The following ADGRL3 variants were observed in gnomAD, a reference collection of about 807,000 sequenced individuals.
ADGRL3 encodes the protein adhesion G protein-coupled receptor L3.
ADGRL3 carries 62 observed loss-of-function variants against 153.5 expected under a neutral mutation model. The ratio of observed to expected loss-of-function variants is 0.40; its 90% CI spans 0.33 to 0.50. The LOEUF is 0.50. Ranked by LOEUF, ADGRL3 falls within the 20% of genes least tolerant of loss-of-function variation. The probability of loss-of-function intolerance (pLI) is 0.47; values close to 1 mark genes in which losing one functional copy is unlikely to be tolerated. For synonymous variants in ADGRL3, 710 were observed against 672.5 expected (o/e 1.06, Z -0.86); for missense variants, 1,641 against 1,859.4 (o/e 0.88, Z 2.16).
At chr4:61,612,850 G>A (rs1404999848) in intron 5 of ADGRL3, among the ~76,000 whole-genome samples, 2 of 152,086 alleles carry the variant, frequency 1.3e-5, no homozygotes, top group Non-Finnish European at 2.9e-5. Flanking sequence ...CATAAGATTG[G>A]CAGTTCCACA....
chr4:61,730,693 T>C, intron 7 of ADGRL3, 57 bp downstream of exon 7: 1 of 419,814 alleles, frequency 2.4e-6, no homozygotes, highest in Non-Finnish European at 4.2e-6. Context: ...TATTTAACAG[T>C]TTAACATTTA....
In ADGRL3 at chr4:61,260,040, G is replaced by T. The variant is rs1004278283; in HGVS notation, c.-240+58275G>T. Among the ~76,000 whole-genome samples the T allele has an allele frequency of 2.6e-5, 4 of 152,242 alleles. No individual in the cohort carries two copies. The East Asian group carries it at 5.8e-4, about 22-fold the overall frequency. On this transcript the variant is annotated intron_variant, in intron 1 of 26. Coordinates refer to ENST00000683033, the MANE Select transcript of ADGRL3 (RefSeq NM_001387552.1). ...CAAATTTCATTGCTGCTTATGAGACGTGTAAGATTAAATGTCAAAATATAT... is the reference window on the plus strand; with the variant it reads ...CAAATTTCATTGCTGCTTATGAGACTTGTAAGATTAAATGTCAAAATATAT...
chr4:61,675,643 T>TTTTATTTATTTA (rs71213003), intron 5 of ADGRL3, among the ~76,000 whole-genome samples: 20,338 of 139,574 alleles, frequency 0.15, 1,772 homozygotes, highest in East Asian at 0.29. Flanking sequence ...GCTTAGAAAG[T>TTTTATTTATTTA]TTTATTTATT....
At chr4:61,631,763 A>T (rs1487857041) in intron 5 of ADGRL3, among the ~76,000 whole-genome samples, 5 of 149,704 alleles carry the variant, frequency 3.3e-5, no homozygotes, top group Admixed American at 6.7e-5. Context: ...GCTAAATTTA[A>T]TTTTTTTTTT....
chr4:61,405,203 T>G (rs1191379872), intron 2 of ADGRL3, among the ~76,000 whole-genome samples: 1 of 152,000 alleles, frequency 6.6e-6, no homozygotes, highest in Non-Finnish European at 1.5e-5. Context: ...TAATGGCAGA[T>G]TAAAAACTAA....
chr4:61,356,925 T>C (rs145961437), intron 1 of ADGRL3, among the ~76,000 whole-genome samples: 1 of 152,248 alleles, frequency 6.6e-6, no homozygotes, highest in East Asian at 1.9e-4. Flanking sequence ...TTTCTCAATG[T>C]ACTCATTGGT....
At chr4:61,331,045 C>A (rs1225953265) in intron 1 of ADGRL3, among the ~76,000 whole-genome samples, 1 of 152,110 alleles carries the variant, frequency 6.6e-6, no homozygotes, top group Admixed American at 6.6e-5. Flanking sequence ...CAAGTGGTTC[C>A]TGCTTTTGAA....
chr4:61,241,028 T>C (rs1433593247), intron 1 of ADGRL3, among the ~76,000 whole-genome samples: 1 of 152,084 alleles, frequency 6.6e-6, no homozygotes, highest in Non-Finnish European at 1.5e-5. Flanking sequence ...CTAAAAATTA[T>C]GTTGTTATAT....
chr4:61,261,067 C>G (rs749108468), intron 1 of ADGRL3, among the ~76,000 whole-genome samples: 4 of 152,070 alleles, frequency 2.6e-5, no homozygotes, highest in Non-Finnish European at 5.9e-5. Flanking sequence ...TATCCGTTTA[C>G]CAAGGTGTAA....
At position 61,935,948 on chromosome 4, in the gene ADGRL3, A is replaced by G. The variant is rs372386660; in HGVS notation, c.2322A>G (p.Thr774=). The change falls in exon 15 of 27, where the codon ACA becomes ACG. Residue 774 remains threonine, a synonymous_variant. Transcript: ENST00000683033. ...NIKLEVARLS[T]EGNLEDLKFP... is the part of the protein sequence containing the mutation. Reference sequence around the variant, plus strand: ...AATTGGAAGTTGCAAGACTGAGCACAGAAGGAAACTTAGAAGACCTAAAAT... The same window carrying G: ...AATTGGAAGTTGCAAGACTGAGCACGGAAGGAAACTTAGAAGACCTAAAAT... 1.9e-6 allele frequency: 3 copies of G among 1,597,612 alleles called. No individual in the cohort carries two copies. The highest frequency in any genetic ancestry group is 8.5e-7 in the Non-Finnish European group (1 of 1,171,292).
chr4:61,724,925 TAGTC>T (rs2096301137), intron 6 of ADGRL3, among the ~76,000 whole-genome samples: 1 of 152,212 alleles, frequency 6.6e-6, no homozygotes, highest in African/African-American at 2.4e-5. Context: ...TGGTTTTCCT[TAGTC>T]AAGAAATGTG....
At chr4:61,705,829 C>A (rs2095848555) in intron 6 of ADGRL3, among the ~76,000 whole-genome samples, 1 of 152,036 alleles carries the variant, frequency 6.6e-6, no homozygotes. Flanking sequence ...GAAAGGAAAC[C>A]TTTTTCTGAG....
chr4:61,946,667 C>A (rs182694646), intron 15 of ADGRL3, among the ~76,000 whole-genome samples: 25 of 152,172 alleles, frequency 1.6e-4, no homozygotes, highest in Admixed American at 1.6e-3. Flanking sequence ...GGTGTATGAT[C>A]TATCTTAAAC....
intron 17 of ADGRL3, among the ~76,000 whole-genome samples, chr4:61,969,443 G>A (rs1362527766): frequency 6.6e-6 from 1 of 151,750 alleles, no homozygotes; most frequent in East Asian, 1.9e-4. Context: ...AGACTACTCT[G>A]TTTTGATTTT....
At chr4:61,424,129 A>G (rs72636126) in intron 2 of ADGRL3, among the ~76,000 whole-genome samples, 2,199 of 152,176 alleles carry the variant, frequency 0.014, 53 homozygotes, top group South Asian at 0.093. Context: ...GCTTTATTAT[A>G]CGCTGTCCCT....
intron 3 of ADGRL3, among the ~76,000 whole-genome samples, chr4:61,508,293 G>A (rs2098442991): frequency 6.6e-6 from 1 of 152,152 alleles, no homozygotes; most frequent in African/African-American, 2.4e-5. Flanking sequence ...TGCCAGCTAT[G>A]AAAGCCAATT....
At chr4:61,774,624 A>G (rs1280223233) in intron 8 of ADGRL3, among the ~76,000 whole-genome samples, 3 of 152,118 alleles carry the variant, frequency 2.0e-5, no homozygotes, top group African/African-American at 7.2e-5. Flanking sequence ...ATCAGGAACC[A>G]ATACTATGTG....
intron 1 of ADGRL3, among the ~76,000 whole-genome samples, chr4:61,258,584 ATACG>A (rs2092223503): frequency 6.6e-6 from 1 of 152,214 alleles, no homozygotes; most frequent in Non-Finnish European, 1.5e-5. Flanking sequence ...TTTTAGGCAC[ATACG>A]AAGTTCTCAG....
intron 9 of ADGRL3, among the ~76,000 whole-genome samples, chr4:61,875,841 G>A (rs578192585): frequency 1.3e-5 from 2 of 152,264 alleles, no homozygotes; most frequent in South Asian, 4.1e-4. Flanking sequence ...ATGTCAGATT[G>A]AAAGTGTACT....
Sources: gnomAD v4.1 joint callset for allele counts (sites outside exome capture counted in the v4.1 genomes callset) on GRCh38, gnomAD v4.1.1 for gene constraint, MANE v1.5 for transcripts, NCBI Gene and HGNC (gene_info 2026-07-23, HGNC 2026-07-21) for gene names.